The following ATP1B1 variants were observed in gnomAD, a reference collection of about 807,000 sequenced individuals.
ATP1B1 encodes the protein sodium/potassium-transporting ATPase subunit beta-1.
Under a neutral mutation model 39.6 loss-of-function variants are expected in ATP1B1, and 3 were observed. The observed-to-expected ratio is 0.08, with a 90% CI of 0.03 to 0.20. ATP1B1 has a LOEUF of 0.20. ATP1B1 is among the 10% of genes least tolerant of loss of function. The pLI is 1.00. For synonymous variants in ATP1B1, 139 were observed against 135.0 expected (o/e 1.03, Z -0.20); for missense variants, 216 against 371.1 (o/e 0.58, Z 3.43).
At position 169,106,792 on chromosome 1, in the gene ATP1B1, A is replaced by T. The variant is rs1157135401; in HGVS notation, c.-38A>T. On this transcript the variant is annotated 5_prime_UTR_variant, in exon 1 of 6. Transcript: ENST00000367815. ...GCCAGGGCGCGCGCCGCAGCCACCC[A>T]CCCTCCGGACCGCGGCAGCTGCTGA... The T allele has an allele frequency of 2.6e-6, 4 of 1,536,720 alleles. No homozygotes were observed. Among genetic ancestry groups the T allele is most frequent in the Non-Finnish European group, 3.5e-6 (4 of 1,138,342 alleles).
chr1:169,121,300 C>A (rs1657976509), intron 2 of ATP1B1, among the ~76,000 whole-genome samples: 1 of 152,176 alleles, frequency 6.6e-6, no homozygotes, highest in Non-Finnish European at 1.5e-5. Context: ...TTGTCATAGT[C>A]TATCAGTAAA....
chr1:169,123,628 T>C (rs1039040766), intron 2 of ATP1B1, among the ~76,000 whole-genome samples: 2 of 150,100 alleles, frequency 1.3e-5, no homozygotes, highest in Non-Finnish European at 3.0e-5. Context: ...TATCTATCTA[T>C]ATATATAGGT....
At chr1:169,107,006 C>G (rs544745237) in intron 1 of ATP1B1, 80 bp downstream of exon 1, 1 of 1,344,062 alleles carries the variant, frequency 7.4e-7, no homozygotes, top group African/African-American at 1.5e-5. Context: ...GGTCCGCGGC[C>G]GGTTCCGCAC....
chr1:169,124,380 T>G (rs927781824), intron 2 of ATP1B1, among the ~76,000 whole-genome samples: 3 of 152,142 alleles, frequency 2.0e-5, no homozygotes, highest in African/African-American at 7.2e-5. Flanking sequence ...TTTGGAATGG[T>G]TATACATTTA....
In ATP1B1 at chr1:169,132,713, G is replaced by A; in HGVS notation, c.*1158G>A. ...TTAAAACAACGGACAATAAAAGAAT[G>A]AACACATTCCTCGTGTGTGATTCAC... On this transcript the variant is annotated 3_prime_UTR_variant, in exon 6 of 6. Transcript: ENST00000367815. The A allele has an allele frequency of 7.1e-7, 1 of 1,404,220 alleles. No individual in the cohort carries two copies. The highest frequency in any genetic ancestry group is 1.2e-5 in the South Asian group (1 of 83,302). The allele number at this position is 1,404,220 out of a possible 1,614,324, so 87.0% of individuals were successfully genotyped here.
chr1:169,130,059 C>T lies in ATP1B1; in HGVS notation c.617C>T (p.Pro206Leu). Reference protein sequence around the residue: ...LETYPVMKYNPNVLPVQCTGK... With the variant: ...LETYPVMKYNLNVLPVQCTGK... ...ACTTACCCAGTGATGAAGTATAACC[C>T]AAATGTCCTTCCCGTTCAGTGCACT... Residue 206 changes from proline to leucine, a missense_variant, in exon 5 of 6, where the codon CCA becomes CTA. Physicochemically the swap from Pro to Leu is moderately conservative, Grantham distance 98. Coordinates refer to ENST00000367815, the MANE Select transcript of ATP1B1 (RefSeq NM_001677.4). 3 of 1,613,950 alleles carry T rather than the reference C, an allele frequency of 1.9e-6. No individual in the cohort carries two copies. The highest frequency in any genetic ancestry group is 2.5e-6 in the Non-Finnish European group (3 of 1,179,930).
chr1:169,127,252 A>G lies in ATP1B1; in HGVS notation c.411A>G (p.Gly137=). 6.3e-7 allele frequency: 1 copy of G among 1,588,140 alleles called. No individual in the cohort carries two copies. ...GDVPSEPKER[G]DFNHERGERK... ...TGCCCAGTGAACCGAAAGAACGAGG[A>G]GACTTTAATCATGAACGAGGAGAGC... is the stretch of plus-strand genomic sequence containing the variant. Residue 137 remains glycine (G), a synonymous_variant, in exon 4 of 6, where the codon GGA becomes GGG. Transcript: ENST00000367815.
chr1:169,124,471 A>G (rs557426707), intron 2 of ATP1B1, among the ~76,000 whole-genome samples: 7 of 152,320 alleles, frequency 4.6e-5, no homozygotes, highest in Admixed American at 6.5e-5. Flanking sequence ...CCTGCACACA[A>G]TGCTAGCTAG....
chr1:169,111,172 C>T (rs1467595248), intron 1 of ATP1B1, among the ~76,000 whole-genome samples, 198 bp from the exon 2 acceptor site: 1 of 152,194 alleles, frequency 6.6e-6, no homozygotes, highest in East Asian at 1.9e-4. Context: ...CTCCCATACA[C>T]ACTGCAAGTG....
chr1:169,130,245 A>G (rs10919071), intron 5 of ATP1B1, among the ~76,000 whole-genome samples, 155 bp downstream of exon 5: 15,641 of 152,276 alleles, frequency 0.1, 1,069 homozygotes, highest in Admixed American at 0.21. Context: ...AATTGTAGCT[A>G]TACTAGGTAA....
chr1:169,127,425 A>G lies in ATP1B1; in HGVS notation c.567+17A>G, dbSNP rs1430101234. 1 of 1,599,594 alleles carries G rather than the reference A, an allele frequency of 6.3e-7. No individual in the cohort carries two copies. The highest frequency in any genetic ancestry group is 8.5e-7 in the Non-Finnish European group (1 of 1,174,486). Reference sequence around the variant, plus strand: ...AAACCTAAGGCAAGTAATATTTTAAATGATAGAATTTAGATGAGTCATTTA... The same window carrying G: ...AAACCTAAGGCAAGTAATATTTTAAGTGATAGAATTTAGATGAGTCATTTA... On this transcript the variant is annotated intron_variant, in intron 4 of 5. Coordinates refer to ENST00000367815, the MANE Select transcript of ATP1B1 (RefSeq NM_001677.4).
intron 1 of ATP1B1, among the ~76,000 whole-genome samples, chr1:169,108,369 T>C (rs1404203386): frequency 1.3e-5 from 2 of 152,150 alleles, no homozygotes; most frequent in Non-Finnish European, 1.5e-5. Context: ...CCTGAAGAAC[T>C]GTGGGGTGTG....
At chr1:169,128,953 A>C (rs964442773) in intron 4 of ATP1B1, among the ~76,000 whole-genome samples, 15 of 152,114 alleles carry the variant, frequency 9.9e-5, no homozygotes, top group African/African-American at 3.6e-4. Flanking sequence ...ACCTCCACCC[A>C]AATCTCCAAC....
rs1178752621 is a variant in ATP1B1 at position 169,131,059 on chromosome 1, G to A, written c.649-233G>A. Among the ~76,000 whole-genome samples, 1 of 152,162 alleles carries A rather than the reference G, an allele frequency of 6.6e-6. No homozygotes were observed. Among genetic ancestry groups the A allele is most frequent in the African/African-American group, 2.4e-5 (1 of 41,442 alleles). Reference sequence around the variant, plus strand: ...CCTTTCAATGTTGGCCTTGTTTCTAGGAGGCTTGAAGAATGCTTATTTGGC... The same window carrying A: ...CCTTTCAATGTTGGCCTTGTTTCTAAGAGGCTTGAAGAATGCTTATTTGGC... On this transcript the variant is annotated intron_variant, in intron 5 of 5. Transcript: ENST00000367815. The surrounding 1 kb of genome is among the most constrained non-coding windows in gnomAD (Gnocchi z 4.4).
At chr1:169,130,525 A>T (rs1394426244) in intron 5 of ATP1B1, among the ~76,000 whole-genome samples, 2 of 152,160 alleles carry the variant, frequency 1.3e-5, no homozygotes, top group Non-Finnish European at 2.9e-5. Context: ...GCAGTGGCTC[A>T]CGCCTGTAAT....
intron 2 of ATP1B1, among the ~76,000 whole-genome samples, chr1:169,111,821 A>T (rs566718375): frequency 6.0e-4 from 91 of 152,242 alleles, no homozygotes; most frequent in African/African-American, 2.2e-3. Flanking sequence ...CATTTTTCAT[A>T]TTCTAGGGTT....
chr1:169,113,947 C>G (rs1193242363), intron 2 of ATP1B1, among the ~76,000 whole-genome samples: 1 of 152,192 alleles, frequency 6.6e-6, no homozygotes, highest in Non-Finnish European at 1.5e-5. Context: ...TCCTCTTCAC[C>G]TGCCTTACCC....
At chr1:169,106,957 C>T in intron 1 of ATP1B1, 31 bp downstream of exon 1, 5 of 1,549,278 alleles carry the variant, frequency 3.2e-6, no homozygotes, top group Non-Finnish European at 4.4e-6. Flanking sequence ...TCCCGGCCGC[C>T]GCGTCTGATC....
Position 169,132,252 on chromosome 1 carries a change from T to A in ATP1B1, c.*697T>A. 1 of 620,258 alleles carries A rather than the reference T, an allele frequency of 1.6e-6. No homozygotes were observed. Among genetic ancestry groups the A allele is most frequent in the South Asian group, 2.0e-5 (1 of 49,430 alleles). 38.4% of individuals were successfully genotyped at this position (620,258 alleles called of 1,614,324 possible). A position where few individuals can be genotyped will look rare whatever the true frequency, so the allele number is the denominator to read the frequency against. On this transcript the variant is annotated 3_prime_UTR_variant, in exon 6 of 6. Transcript: ENST00000367815. Reference sequence around the variant, plus strand: ...GTTGTGTTATGCTTGTATTGAATGCTGTCTTGACATCTCTTGCCTTGTCCT... The same window carrying A: ...GTTGTGTTATGCTTGTATTGAATGCAGTCTTGACATCTCTTGCCTTGTCCT...
Sources: gnomAD v4.1 joint callset for allele counts (sites outside exome capture counted in the v4.1 genomes callset) on GRCh38, gnomAD v4.1.1 for gene constraint, Gnocchi (gnomAD v3.1) non-coding constraint, MANE v1.5 for transcripts, NCBI Gene and HGNC (gene_info 2026-07-23, HGNC 2026-07-21) for gene names.